ATAT1: variants seen among roughly 807,000 people sequenced by gnomAD.
ATAT1 encodes the protein alpha-tubulin N-acetyltransferase 1.
ATAT1 carries 42 observed loss-of-function variants against 57.2 expected under a neutral mutation model. The observed-to-expected ratio is 0.73, with a 90% CI of 0.57 to 0.95. The LOEUF is 0.95. Ranked by LOEUF, ATAT1 falls within the 40% of genes least tolerant of loss-of-function variation. The pLI is 0.00. For synonymous variants in ATAT1, 168 were observed against 187.1 expected (o/e 0.90, Z 0.83); for missense variants, 454 against 523.7 (o/e 0.87, Z 1.30).
intron 6 of ATAT1, among the ~76,000 whole-genome samples, chr6:30,634,989 A>G (rs1212631295): frequency 6.6e-6 from 1 of 152,154 alleles, no homozygotes; most frequent in Admixed American, 6.5e-5. Flanking sequence ...CTACATCTCA[A>G]AAACAACAAC....
intron 8 of ATAT1, among the ~76,000 whole-genome samples, chr6:30,641,255 GCT>G (rs1765380521): frequency 6.6e-6 from 1 of 152,194 alleles, no homozygotes; most frequent in African/African-American, 2.4e-5. Flanking sequence ...TCCTGAGCTG[GCT>G]CTGTGGCCAG....
At chr6:30,628,173 C>G in intron 5 of ATAT1, 28 bp downstream of exon 5, 1 of 1,595,400 alleles carries the variant, frequency 6.3e-7, no homozygotes, top group Non-Finnish European at 8.6e-7. Flanking sequence ...ACTGGTTCAT[C>G]CAAACTAGGG....
At position 30,635,860 on chromosome 6, in the gene ATAT1, A is replaced by T. The variant is rs567767903; in HGVS notation, c.502-4517A>T. Among the ~76,000 whole-genome samples the T allele has an allele frequency of 1.0e-3, 159 of 152,320 alleles. 1 individual carries two copies. Among genetic ancestry groups the T allele is most frequent in the African/African-American group, 3.3e-3 (138 of 41,556 alleles). Reference sequence around the variant, plus strand: ...ACAGCAAGAATAAGCTACTCTTTTAAATCCTGCTTTAATGGGAATAGAAAT... The same window carrying T: ...ACAGCAAGAATAAGCTACTCTTTTATATCCTGCTTTAATGGGAATAGAAAT... On this transcript the variant is annotated intron_variant, in intron 6 of 12. Transcript: ENST00000330083.
In ATAT1 at chr6:30,636,194, T is replaced by C. The variant is rs570469309; in HGVS notation, c.502-4183T>C. Among the ~76,000 whole-genome samples the C allele has an allele frequency of 3.9e-5, 6 of 152,208 alleles. No individual in the cohort carries two copies. In the South Asian group the frequency reaches 1.0e-3, roughly 26 times the overall value. ...GGGGGTTGGGTAAAGAAAGATGACATGTCTAATCTTGAAAGGCAAGTGTTT... is the reference window on the plus strand; with the variant it reads ...GGGGGTTGGGTAAAGAAAGATGACACGTCTAATCTTGAAAGGCAAGTGTTT... On this transcript the variant is annotated intron_variant, in intron 6 of 12. Coordinates refer to ENST00000330083, the MANE Select transcript of ATAT1 (RefSeq NM_001031722.4).
intron 6 of ATAT1, chr6:30,633,916 A>T (rs2127507432): frequency 6.0e-6 from 1 of 166,694 alleles, no homozygotes; most frequent in South Asian, 2.0e-4. Context: ...GAAGATGACG[A>T]TGTTGATACC....
At chr6:30,641,138 A>ACACACACACACACACAC (rs1765349404) in intron 8 of ATAT1, among the ~76,000 whole-genome samples, 1 of 138,210 alleles carries the variant, frequency 7.2e-6, no homozygotes, top group East Asian at 2.3e-4. Flanking sequence ...CACACACACA[A>ACACACACACACACACAC]ACACACTTAC....
chr6:30,630,122 G>A (rs1370326061), intron 6 of ATAT1, among the ~76,000 whole-genome samples: 2 of 152,038 alleles, frequency 1.3e-5, no homozygotes, highest in Non-Finnish European at 1.5e-5. Context: ...ACAGACAACA[G>A]CCTGGGCAAC....
rs756782585 is a variant in ATAT1, at chr6:30,642,256, G to T, written c.688+9G>T. The T allele has an allele frequency of 6.2e-7, 1 of 1,614,112 alleles. No homozygotes were observed. The highest frequency in any genetic ancestry group is 1.1e-5 in the South Asian group (1 of 91,078). ...CTCTAGTGACCGAGAATGTAAGAGG[G>T]GCAAGGGTCGGGTGTCTGGGCCTGG... On this transcript the variant is annotated intron_variant, in intron 9 of 12. Coordinates refer to ENST00000330083, the MANE Select transcript of ATAT1 (RefSeq NM_001031722.4).
chr6:30,635,556 T>G (rs1171788894), intron 6 of ATAT1, among the ~76,000 whole-genome samples: 1 of 143,884 alleles, frequency 7.0e-6, no homozygotes, highest in Admixed American at 7.2e-5. Flanking sequence ...GCCATTGCAC[T>G]CCAGCCTGGG....
intron 6 of ATAT1, among the ~76,000 whole-genome samples, chr6:30,635,945 C>G (rs1763980251): frequency 6.6e-6 from 1 of 152,058 alleles, no homozygotes; most frequent in South Asian, 2.1e-4. Flanking sequence ...GATGGGAGAA[C>G]AAATAGCATT....
At chr6:30,634,045 G>A (rs115444444) in intron 6 of ATAT1, 3,327 of 157,702 alleles carry the variant, frequency 0.021, 74 homozygotes, top group African/African-American at 0.054. Context: ...AAACATGGTT[G>A]CCCTCGAGAG....
chr6:30,640,775 A>G (rs1765249036), intron 8 of ATAT1, 172 bp downstream of exon 8: 1 of 688,912 alleles, frequency 1.5e-6, no homozygotes, highest in Non-Finnish European at 2.4e-6. Context: ...TGCATTTTAT[A>G]TTTGGCAAGA....
chr6:30,635,969 A>T lies in ATAT1; in HGVS notation c.502-4408A>T, dbSNP rs546793815. On this transcript the variant is annotated intron_variant, in intron 6 of 12. Coordinates refer to ENST00000330083, the MANE Select transcript of ATAT1 (RefSeq NM_001031722.4). ...ACAAATAGCATTAGAATGATTCAGTAGAGAGAAAATATTATTATGTCAGAG... is the reference window on the plus strand; with the variant it reads ...ACAAATAGCATTAGAATGATTCAGTTGAGAGAAAATATTATTATGTCAGAG... Among the ~76,000 whole-genome samples, 4 of 152,306 alleles carry T rather than the reference A, an allele frequency of 2.6e-5. No individual in the cohort carries two copies. In the South Asian group the frequency reaches 8.3e-4, roughly 32 times the overall value.
Position 30,646,086 on chromosome 6 carries a change from G to C in ATAT1, c.1032G>C (p.Gln344His). The change falls in exon 12 of 13, where the codon CAG (glutamine) becomes CAC (histidine). Residue 344 changes from glutamine (Q) to histidine (H), a missense_variant. Transcript: ENST00000330083. ...CCACAGGCAACCAAGACTCCAAGCA[G>C]GGAGAACAGGAAACAAAGAATAGGT... 6.2e-7 allele frequency: 1 copy of C among 1,610,402 alleles called. No homozygotes were observed. The highest frequency in any genetic ancestry group is 8.5e-7 in the Non-Finnish European group (1 of 1,178,264).
chr6:30,642,149 CCCTG>C, intron 8 of ATAT1, 23 bp from the exon 9 acceptor site: 3 of 1,613,930 alleles, frequency 1.9e-6, no homozygotes, highest in Non-Finnish European at 1.7e-6. Flanking sequence ...CTAACGCTTA[CCCTG>C]CCTATGTCCC....
chr6:30,646,655 T>C lies in ATAT1; in HGVS notation c.*12T>C. The C allele has an allele frequency of 6.5e-7, 1 of 1,534,832 alleles. No homozygotes were observed. The highest frequency in any genetic ancestry group is 2.0e-5 in the Admixed American group (1 of 49,320). ...CCAGGCCTTGGTGACCGCAGCCCCG[T>C]CAAACATCTTCAAAGTATTATTTCT... On this transcript the variant is annotated 3_prime_UTR_variant, in exon 13 of 13. Transcript: ENST00000330083.
intron 8 of ATAT1, 55 bp downstream of exon 8, chr6:30,640,658 A>G (rs1765224656): frequency 4.4e-6 from 7 of 1,594,826 alleles, no homozygotes; most frequent in South Asian, 3.3e-5. Context: ...TACTTACTCT[A>G]GATGCCACGG....
chr6:30,646,153 G>A, intron 12 of ATAT1, 44 bp downstream of exon 12: 2 of 1,590,606 alleles, frequency 1.3e-6, no homozygotes, highest in Non-Finnish European at 1.7e-6. Flanking sequence ...ACCACCATCT[G>A]ACTCCCTTCC....
chr6:30,634,528 C>T (rs969754051), intron 6 of ATAT1, among the ~76,000 whole-genome samples: 27 of 151,322 alleles, frequency 1.8e-4, no homozygotes, highest in African/African-American at 6.1e-4. Context: ...GAATTACAGG[C>T]GTGAGCCACC....
Sources: gnomAD v4.1 joint callset for allele counts (sites outside exome capture counted in the v4.1 genomes callset) on GRCh38, gnomAD v4.1.1 for gene constraint, MANE v1.5 for transcripts, NCBI Gene and HGNC (gene_info 2026-07-23, HGNC 2026-07-21) for gene names.